Variants in PRDM5 observed in about 807,000 individuals in gnomAD.
PRDM5 encodes PR/SET domain 5, also known as PR domain zinc finger protein 5.
PRDM5 carries 56 observed loss-of-function variants against 81.2 expected under a neutral mutation model. The ratio of observed to expected loss-of-function variants is 0.69; its 90% confidence interval spans 0.56 to 0.86. The LOEUF is 0.86. Ranked by LOEUF, PRDM5 falls within the 40% of genes least tolerant of loss-of-function variation. The probability of loss-of-function intolerance (pLI) is 0.00; values close to 1 mark genes in which losing one functional copy is unlikely to be tolerated. For synonymous variants in PRDM5, 267 were observed against 256.4 expected, an observed-to-expected ratio of 1.04 and a Z score of -0.39; for missense variants, 697 against 770.1, an observed-to-expected ratio of 0.91 and a Z score of 1.12.
At chr4:120,823,426 T>C (rs532532902) in intron 3 of PRDM5, among the ~76,000 whole-genome samples, 4 of 152,164 alleles carry the variant, frequency 2.6e-5, no homozygotes, top group Non-Finnish European at 5.9e-5. Context: ...AAAAATGTGA[T>C]ATAAAGAGGA....
intron 15 of PRDM5, among the ~76,000 whole-genome samples, chr4:120,706,441 A>G (rs1736160448): frequency 6.6e-6 from 1 of 152,100 alleles, no homozygotes; most frequent in South Asian, 2.1e-4. Flanking sequence ...GGGATGGTAC[A>G]GTCCTCAGAG....
chr4:120,900,522 A>G (rs1044426380), intron 2 of PRDM5, among the ~76,000 whole-genome samples: 1 of 152,206 alleles, frequency 6.6e-6, no homozygotes, highest in East Asian at 1.9e-4. Context: ...GTTCAAATTA[A>G]TAACCAAGGA....
chr4:120,735,401 T>A (rs572428522), intron 14 of PRDM5, among the ~76,000 whole-genome samples: 1 of 152,210 alleles, frequency 6.6e-6, no homozygotes, highest in Admixed American at 6.5e-5. Context: ...AATGAGCTCA[T>A]AAGTGTCTCC....
Position 120,767,361 on chromosome 4 carries a change from C to T in PRDM5, c.1537+9827G>A, listed in dbSNP as rs141587693. On this transcript the variant is annotated intron_variant, in intron 13 of 15. Coordinates refer to ENST00000264808, the MANE Select transcript of PRDM5 (RefSeq NM_018699.4). ...GTACTGGACAGGAAATGTTGAAAAA[C>T]GCCAACTGGCAAATTGGAAGGAAAA... 3.9e-3 allele frequency among the ~76,000 whole-genome samples: 589 copies of T among 152,144 alleles called. 6 individuals are homozygous for T. Among genetic ancestry groups the T allele is most frequent in the African/African-American group, 0.013 (545 of 41,520 alleles).
intron 15 of PRDM5, among the ~76,000 whole-genome samples, chr4:120,696,797 A>G (rs1734577678): frequency 6.6e-6 from 1 of 152,196 alleles, no homozygotes; most frequent in Non-Finnish European, 1.5e-5. Flanking sequence ...GAATAGAAAG[A>G]AAACACCACT....
At chr4:120,725,274 G>T (rs1303963028) in intron 14 of PRDM5, among the ~76,000 whole-genome samples, 9 of 145,130 alleles carry the variant, frequency 6.2e-5, no homozygotes, top group African/African-American at 1.5e-4. Flanking sequence ...ATATACAGTT[G>T]TTTTTTTTTT....
At chr4:120,801,878 AAT>A (rs1433257703) in intron 8 of PRDM5, among the ~76,000 whole-genome samples, 1 of 138,646 alleles carries the variant, frequency 7.2e-6, no homozygotes, top group South Asian at 2.2e-4. Flanking sequence ...ATGTTTCTGT[AAT>A]ATATATAATT....
chr4:120,895,173 G>T (rs761445842), intron 2 of PRDM5, among the ~76,000 whole-genome samples: 42 of 152,322 alleles, frequency 2.8e-4, no homozygotes, highest in Non-Finnish European at 4.6e-4. Flanking sequence ...GCACCCTCCA[G>T]CTTCCAGCAA....
At chr4:120,863,362 A>G (rs929690554) in intron 2 of PRDM5, among the ~76,000 whole-genome samples, 1 of 151,874 alleles carries the variant, frequency 6.6e-6, no homozygotes, top group African/African-American at 2.4e-5. Context: ...CCTACTACGT[A>G]CTGTAATAAA....
intron 2 of PRDM5, 108 bp from the exon 3 acceptor site, chr4:120,853,648 T>C: frequency 7.3e-7 from 1 of 1,377,626 alleles, no homozygotes; most frequent in Non-Finnish European, 1.0e-6. Flanking sequence ...CCTTTTTTAT[T>C]GATGGGTGAT....
intron 2 of PRDM5, among the ~76,000 whole-genome samples, chr4:120,885,147 A>AGT (rs1263256069): frequency 1.4e-5 from 2 of 137,960 alleles, no homozygotes; most frequent in East Asian, 2.1e-4. Flanking sequence ...AAAAAAAAAA[A>AGT]AAAAAAAAAG....
rs76090178 is a variant in PRDM5 at position 120,918,484 on chromosome 4, T to C, written c.93+4032A>G. ...TCTGCTCTTCCTGTATTAACATTTA[T>C]GCATGGTGATTTTTCCTCTACAGGC... On this transcript the variant is annotated intron_variant, in intron 1 of 15. Transcript: ENST00000264808. Among the ~76,000 whole-genome samples, 105 of 152,366 alleles carry C rather than the reference T, an allele frequency of 6.9e-4. 2 individuals carry two copies. In the East Asian group the frequency reaches 0.019, roughly 28 times the overall value.
At chr4:120,861,625 C>T (rs1482293246) in intron 2 of PRDM5, among the ~76,000 whole-genome samples, 1 of 151,840 alleles carries the variant, frequency 6.6e-6, no homozygotes, top group African/African-American at 2.4e-5. Context: ...TGGTGAAACC[C>T]TGTCTCTACT....
intron 8 of PRDM5, among the ~76,000 whole-genome samples, chr4:120,801,474 G>A (rs146802039): frequency 6.6e-6 from 1 of 152,230 alleles, no homozygotes; most frequent in Non-Finnish European, 1.5e-5. Flanking sequence ...CTCTGCTTCT[G>A]TCAGGTCTGA....
At chr4:120,911,697 A>G (rs1369572188) in intron 1 of PRDM5, among the ~76,000 whole-genome samples, 6 of 152,130 alleles carry the variant, frequency 3.9e-5, no homozygotes, top group African/African-American at 1.2e-4. Context: ...AAACTTAGGG[A>G]TTTAGATTAG....
chr4:120,896,904 C>T (rs6839170), intron 2 of PRDM5: 20,442 of 151,662 alleles, frequency 0.13, 1,482 homozygotes, highest in South Asian at 0.2. Flanking sequence ...AGGATGGTCT[C>T]AATCTCCTGA....
chr4:120,738,723 G>A (rs1293934730), intron 14 of PRDM5, among the ~76,000 whole-genome samples: 1 of 152,082 alleles, frequency 6.6e-6, no homozygotes, highest in Non-Finnish European at 1.5e-5. Flanking sequence ...GCTCACTTTA[G>A]AGCTCTGTCC....
intron 14 of PRDM5, among the ~76,000 whole-genome samples, chr4:120,722,542 C>T (rs534983136): frequency 8.5e-5 from 13 of 152,168 alleles, no homozygotes; most frequent in Admixed American, 3.3e-4. Context: ...ACATTGTTAT[C>T]ACCCGAAGAG....
intron 14 of PRDM5, among the ~76,000 whole-genome samples, chr4:120,744,579 G>C (rs1170473389): frequency 6.6e-6 from 1 of 151,940 alleles, no homozygotes; most frequent in Non-Finnish European, 1.5e-5. Flanking sequence ...ATAGACGCAA[G>C]AAAAAATGAT....
Sources: allele counts gnomAD v4.1 joint callset (sites outside exome capture counted in the v4.1 genomes callset), GRCh38; gene constraint gnomAD v4.1.1; transcripts MANE v1.5; gene names NCBI Gene and HGNC (gene_info 2026-07-23, HGNC 2026-07-21).